Variants in NUP35 observed in about 807,000 individuals in gnomAD.
The protein encoded by NUP35 is nucleoporin 35.
A neutral mutation model predicts 41.5 loss-of-function variants in NUP35; 25 were observed. The ratio of observed to expected loss-of-function variants is 0.60; its 90% CI spans 0.44 to 0.84. The LOEUF is 0.84. NUP35 is among the 40% of genes least tolerant of loss of function. The pLI is 0.00. For missense variants in NUP35, 396 were observed against 396.6 expected (o/e 1.00, Z 0.01); for synonymous variants, 149 against 130.7 (o/e 1.14, Z -0.96).
intron 2 of NUP35, among the ~76,000 whole-genome samples, chr2:183,130,035 A>C (rs1189498361): frequency 1.3e-5 from 2 of 152,240 alleles, no homozygotes; most frequent in African/African-American, 4.8e-5. Flanking sequence ...TTTAGTACCT[A>C]CTTTCAAGTG....
intron 4 of NUP35, among the ~76,000 whole-genome samples, chr2:183,145,350 T>C (rs75994618): frequency 0.034 from 5,207 of 152,320 alleles, 274 homozygotes; most frequent in African/African-American, 0.12. Context: ...ATTATACTTA[T>C]CAGTTGAGCA....
intron 4 of NUP35, among the ~76,000 whole-genome samples, chr2:183,145,342 T>C (rs1228057430): frequency 6.6e-6 from 1 of 152,220 alleles, no homozygotes; most frequent in African/African-American, 2.4e-5. Flanking sequence ...ATATTTGCAT[T>C]ATACTTATCA....
upstream of NUP35, among the ~76,000 whole-genome samples, chr2:183,123,200 G>T (rs76788009): frequency 0.05 from 7,637 of 152,250 alleles, 245 homozygotes; most frequent in South Asian, 0.15. Context: ...TTTGATTTTA[G>T]CCCTACAATA....
chr2:183,147,672 G>A (rs1359914618), intron 4 of NUP35, among the ~76,000 whole-genome samples: 1 of 152,094 alleles, frequency 6.6e-6, no homozygotes, highest in Non-Finnish European at 1.5e-5. Flanking sequence ...GGCTCTTCTT[G>A]CTTCCCTGTG....
Position 183,161,162 on chromosome 2 carries a change from A to ACTCTGC in NUP35, c.*31_*32insCTCTGC, listed in dbSNP as rs1396985013. 1 of 1,527,370 alleles carries ACTCTGC rather than the reference A, an allele frequency of 6.5e-7. No individual in the cohort carries two copies. Among genetic ancestry groups the ACTCTGC allele is most frequent in the Non-Finnish European group, 9.1e-7 (1 of 1,103,286 alleles). The allele number at this position is 1,527,370 out of a possible 1,614,324, so 94.6% of individuals were successfully genotyped here. Reference sequence around the variant, plus strand: ...CACCAAGAAGGAGGTTGCTACACTAAAACAGAGTTAGCAGAGTGCTGCTGG... The same window carrying ACTCTGC: ...CACCAAGAAGGAGGTTGCTACACTAACTCTGCAACAGAGTTAGCAGAGTGCTGCTGG... On this transcript the variant is annotated 3_prime_UTR_variant, in exon 9 of 9. Coordinates refer to ENST00000295119, the MANE Select transcript of NUP35 (RefSeq NM_138285.5).
chr2:183,155,218 C>G (rs16824058), intron 5 of NUP35, among the ~76,000 whole-genome samples: 6,913 of 152,290 alleles, frequency 0.045, 245 homozygotes, highest in South Asian at 0.15. Context: ...AAAAATAACA[C>G]ATGAGCTCCT....
At chr2:183,129,581 A>C (rs1227870096) in intron 2 of NUP35, among the ~76,000 whole-genome samples, 1 of 152,220 alleles carries the variant, frequency 6.6e-6, no homozygotes, top group Non-Finnish European at 1.5e-5. Flanking sequence ...ACGTATATTG[A>C]TTGCTTATGA....
At chr2:183,147,470 A>G (rs1417250137) in intron 4 of NUP35, among the ~76,000 whole-genome samples, 2 of 152,184 alleles carry the variant, frequency 1.3e-5, no homozygotes, top group African/African-American at 2.4e-5. Flanking sequence ...ATTTTTGCCA[A>G]CTTTGTCAAA....
rs146566850 is a variant in NUP35, at chr2:183,130,447, G to T, written c.241G>T (p.Ala81Ser). 729 of 1,595,962 alleles carry T rather than the reference G, an allele frequency of 4.6e-4. 3 individuals carry two copies. The highest frequency in any genetic ancestry group is 5.5e-4 in the Non-Finnish European group (647 of 1,176,492). Residue 81 changes from alanine to serine, a missense_variant, in exon 3 of 9, where the codon GCT becomes TCT. Coordinates refer to ENST00000295119, the MANE Select transcript of NUP35 (RefSeq NM_138285.5). ...GGSPPQPVVPAHKDKSGAPPV... is the reference protein window; with the variant it reads ...GGSPPQPVVPSHKDKSGAPPV... ...GTCACCACCACAACCAGTTGTACCA[G>T]CTCATAAAGATAAAAGTGGCGCTCC...
At chr2:183,122,395 ATCT>A (rs1192480745), upstream of NUP35, among the ~76,000 whole-genome samples, 1 of 152,174 alleles carries the variant, frequency 6.6e-6, no homozygotes, top group African/African-American at 2.4e-5. Context: ...CTTTTTCAAC[ATCT>A]TCTTTTATTT....
intron 5 of NUP35, among the ~76,000 whole-genome samples, chr2:183,152,161 A>T: frequency 6.8e-6 from 1 of 147,870 alleles, no homozygotes; most frequent in African/African-American, 2.5e-5. Context: ...ACACAATGTC[A>T]CAGGGTTGAT....
chr2:183,152,747 G>A (rs1685515117), intron 5 of NUP35, among the ~76,000 whole-genome samples: 1 of 152,112 alleles, frequency 6.6e-6, no homozygotes. Context: ...GGAAACTGAG[G>A]TGTAGGCAGA....
intron 5 of NUP35, among the ~76,000 whole-genome samples, chr2:183,155,292 A>T (rs1399585161): frequency 6.6e-6 from 1 of 152,260 alleles, no homozygotes; most frequent in Non-Finnish European, 1.5e-5. Flanking sequence ...ATTTAAAATT[A>T]AAAATTCAAA....
chr2:183,129,190 C>T (rs1246219493), intron 2 of NUP35, among the ~76,000 whole-genome samples: 1 of 151,300 alleles, frequency 6.6e-6, no homozygotes, highest in Non-Finnish European at 1.5e-5. Flanking sequence ...AATTGAGATT[C>T]TCACATATAG....
intron 3 of NUP35, among the ~76,000 whole-genome samples, chr2:183,130,779 G>A (rs1684670643): frequency 6.6e-6 from 1 of 152,102 alleles, no homozygotes; most frequent in African/African-American, 2.4e-5. Context: ...GGTGTTTATA[G>A]GTATGCCTTA....
chr2:183,124,736 C>A (rs1008856324), intron 1 of NUP35, among the ~76,000 whole-genome samples: 4 of 152,194 alleles, frequency 2.6e-5, no homozygotes, highest in Non-Finnish European at 4.4e-5. Context: ...GGCCGTCTGG[C>A]GGTGACTGAG....
At chr2:183,126,303 A>G (rs1684481775) in intron 1 of NUP35, among the ~76,000 whole-genome samples, 1 of 152,250 alleles carries the variant, frequency 6.6e-6, no homozygotes, top group Non-Finnish European at 1.5e-5. Flanking sequence ...TCCTGGGATT[A>G]GAGGCTTGCG....
At chr2:183,121,241 C>A (rs16824004), upstream of NUP35, among the ~76,000 whole-genome samples, 1 of 151,856 alleles carries the variant, frequency 6.6e-6, no homozygotes, top group Non-Finnish European at 1.5e-5. Flanking sequence ...AGTTTTATTT[C>A]GGAAGAGCAT....
chr2:183,122,046 T>TTAATA (rs1292087473), upstream of NUP35, among the ~76,000 whole-genome samples: 1 of 150,982 alleles, frequency 6.6e-6, no homozygotes, highest in Non-Finnish European at 1.5e-5. Context: ...TACTTTACTG[T>TTAATA]TAATAGTTTG....
Sources: allele counts gnomAD v4.1 joint callset (sites outside exome capture counted in the v4.1 genomes callset), GRCh38; gene constraint gnomAD v4.1.1; transcripts MANE v1.5; gene names NCBI Gene and HGNC (gene_info 2026-07-23, HGNC 2026-07-21).